The following SH3TC2 variants were observed in gnomAD, a reference collection of about 807,000 sequenced individuals.
The protein encoded by SH3TC2 is SH3 domain and tetratricopeptide repeats 2, also known as SH3 domain and tetratricopeptide repeat-containing protein 2.
Under a neutral mutation model 124.5 loss-of-function variants are expected in SH3TC2, and 87 were observed. The ratio of observed to expected loss-of-function variants is 0.70; its 90% CI spans 0.59 to 0.84. The LOEUF is 0.84. SH3TC2 is among the 40% of genes least tolerant of loss of function. The pLI is 0.00. For synonymous variants in SH3TC2, 634 were observed against 628.5 expected (o/e 1.01, Z -0.13); for missense variants, 1,536 against 1,566.4 (o/e 0.98, Z 0.33).
rs925842607 is a variant in SH3TC2 at position 148,998,860 on chromosome 5, T to C, written c.*5851A>G. Among the ~76,000 whole-genome samples, 2 of 151,176 alleles carry C rather than the reference T, an allele frequency of 1.3e-5. No individual in the cohort carries two copies. The highest frequency in any genetic ancestry group is 6.6e-5 in the Admixed American group (1 of 15,188). ...GAATAATCAGACAGAGTTGGGAGAG[T>C]GAGGGGGTACATATCAGGAAATATA... On this transcript the variant is annotated 3_prime_UTR_variant, in exon 17 of 17. Coordinates refer to ENST00000515425, the MANE Select transcript of SH3TC2 (RefSeq NM_024577.4).
intron 12 of SH3TC2, among the ~76,000 whole-genome samples, chr5:149,020,894 G>A (rs1753957257): frequency 6.6e-6 from 1 of 152,018 alleles, no homozygotes; most frequent in African/African-American, 2.4e-5. Flanking sequence ...ATGGATAGAA[G>A]AACTAGACAT....
chr5:149,031,430 T>A (rs539793602), intron 9 of SH3TC2, 124 bp downstream of exon 9: 4 of 1,276,460 alleles, frequency 3.1e-6, no homozygotes, highest in African/African-American at 1.5e-5. Flanking sequence ...AACAGAATAG[T>A]GGTCATGGCC....
rs368350226 is a variant in SH3TC2, at chr5:148,998,924, G to A, written c.*5787C>T. ...AAGAGGGAAGACCGCCAAGTGAGAG[G>A]CCCAGTAGCAAAGAGCACCCCTAAC... On this transcript the variant is annotated 3_prime_UTR_variant, in exon 17 of 17. Transcript: ENST00000515425. 6.6e-6 allele frequency among the ~76,000 whole-genome samples: 1 copy of A among 152,096 alleles called. No individual in the cohort carries two copies. Among genetic ancestry groups the A allele is most frequent in the South Asian group, 2.1e-4 (1 of 4,784 alleles).
rs1038952809 is a variant in SH3TC2, at chr5:148,998,963, C to T, written c.*5748G>A. On this transcript the variant is annotated 3_prime_UTR_variant, in exon 17 of 17. Coordinates refer to ENST00000515425, the MANE Select transcript of SH3TC2 (RefSeq NM_024577.4). ...AGCACCCCTAACATACACACCCTCC[C>T]GCTTAACGGTGTGGGACCCAGGAAT... Among the ~76,000 whole-genome samples, 17 of 152,128 alleles carry T rather than the reference C, an allele frequency of 1.1e-4. No homozygotes were observed. Among genetic ancestry groups the T allele is most frequent in the African/African-American group, 3.1e-4 (13 of 41,424 alleles).
chr5:149,038,481 C>T lies in SH3TC2; in HGVS notation c.815G>A (p.Arg272His), dbSNP rs746737375. ...CTCATAACCCGTCAAGGCCTTACAG[C>T]GTCCTCTGCCTGTGGAAAATAGCAC... The part of the protein sequence containing the change: ...WTGSYQIGRG[R>H]CKALTGYEPG... Residue 272 changes from arginine (R) to histidine (H), a missense_variant, in exon 8 of 17, where the codon CGC becomes CAC. This residue lies in a region of SH3TC2 where 1,102 missense variants were observed against 1,098.6 expected (regional missense o/e 1.00). Coordinates refer to ENST00000515425, the MANE Select transcript of SH3TC2 (RefSeq NM_024577.4). The T allele has an allele frequency of 3.1e-6, 5 of 1,613,974 alleles. No individual in the cohort carries two copies. Among genetic ancestry groups the T allele is most frequent in the African/African-American group, 1.3e-5 (1 of 75,030 alleles).
rs1754320744 is a variant in SH3TC2 at position 149,038,507 on chromosome 5, A to G, written c.806-17T>C. The stretch of plus-strand genomic sequence containing the variant: ...GTCCTCTGCCTGTGGAAAATAGCAC[A>G]CAGATCAGCTACAGAAGACATGAAC... On this transcript the variant is annotated splice_polypyrimidine_tract_variant and intron_variant, in intron 7 of 16. Coordinates refer to ENST00000515425, the MANE Select transcript of SH3TC2 (RefSeq NM_024577.4). 1.2e-6 allele frequency: 2 copies of G among 1,613,320 alleles called. No individual in the cohort carries two copies. The highest frequency in any genetic ancestry group is 2.2e-5 in the South Asian group (2 of 91,046).
chr5:149,058,597 A>T (rs535290800), intron 1 of SH3TC2, among the ~76,000 whole-genome samples: 11 of 151,230 alleles, frequency 7.3e-5, no homozygotes, highest in Non-Finnish European at 1.2e-4. Flanking sequence ...TGTTCTGGAT[A>T]TTACTCCCCA....
chr5:149,052,135 T>A lies in SH3TC2; in HGVS notation c.151+7A>T. 6.3e-7 allele frequency: 1 copy of A among 1,591,990 alleles called. No individual in the cohort carries two copies. Among genetic ancestry groups the A allele is most frequent in the Non-Finnish European group, 8.6e-7 (1 of 1,159,816 alleles). On this transcript the variant is annotated splice_region_variant and intron_variant, in intron 2 of 16. Coordinates refer to ENST00000515425, the MANE Select transcript of SH3TC2 (RefSeq NM_024577.4). ...AAGAATAGGGCTTGTCTTTGGCATT[T>A]GGATACCTGGATTAATGTTCTGTGG...
intron 1 of SH3TC2, among the ~76,000 whole-genome samples, chr5:149,059,455 C>T (rs1344573307): frequency 6.6e-6 from 1 of 152,090 alleles, no homozygotes; most frequent in African/African-American, 2.4e-5. Context: ...AAAAAGAAGA[C>T]TAAACAGTAA....
Position 148,983,677 on chromosome 5 carries a change from C to T in SH3TC2, c.*21034G>A, listed in dbSNP as rs1373331709. Among the ~76,000 whole-genome samples, 1 of 152,138 alleles carries T rather than the reference C, an allele frequency of 6.6e-6. No individual in the cohort carries two copies. The highest frequency in any genetic ancestry group is 1.5e-5 in the Non-Finnish European group (1 of 68,022). ...CCCCATTAGCCCCTGTCTGTGTTCT[C>T]TAGCCCTGAATTCAGATGTCCCAGA... On this transcript the variant is annotated 3_prime_UTR_variant, in exon 17 of 17. Transcript: ENST00000515425.
intron 2 of SH3TC2, among the ~76,000 whole-genome samples, chr5:149,051,039 T>C (rs1475189122): frequency 3.3e-5 from 5 of 152,140 alleles, no homozygotes; most frequent in Non-Finnish European, 7.4e-5. Context: ...CATGTGAGGA[T>C]CATTTGGCAC....
chr5:149,041,463 G>A lies in SH3TC2; in HGVS notation c.684C>T (p.Gly228=). Residue 228 remains glycine (G), a synonymous_variant, in exon 6 of 17, where the codon GGC becomes GGT. Coordinates refer to ENST00000515425, the MANE Select transcript of SH3TC2 (RefSeq NM_024577.4). ...GCTCCAAGGCTGACACCAGTACCAG[G>A]CCCCGCTGACCTGTCACCAAAGACA... The part of the protein sequence containing the change: ...EGVSLVTGQR[G]LVLVSALEPL... 1 of 1,613,790 alleles carries A rather than the reference G, an allele frequency of 6.2e-7. No homozygotes were observed. The highest frequency in any genetic ancestry group is 8.5e-7 in the Non-Finnish European group (1 of 1,180,026).
At chr5:149,010,224 G>T (rs377101249) in intron 14 of SH3TC2, 46 bp downstream of exon 14, 1 of 1,613,556 alleles carries the variant, frequency 6.2e-7, no homozygotes, top group African/African-American at 1.3e-5. Context: ...CCCTTCCCAT[G>T]CCCGTGCCAG....
chr5:149,005,424 G>A (rs899974621), intron 16 of SH3TC2, among the ~76,000 whole-genome samples: 3 of 152,230 alleles, frequency 2.0e-5, no homozygotes, highest in African/African-American at 7.2e-5. Context: ...AGGATCCAGA[G>A]CTATCTGCAG....
chr5:149,032,137 A>G (rs559763374), intron 8 of SH3TC2, among the ~76,000 whole-genome samples: 1 of 152,354 alleles, frequency 6.6e-6, no homozygotes, highest in South Asian at 2.1e-4. Context: ...GGGACAAGTG[A>G]CACAATCTAG....
At chr5:149,031,799 C>T in intron 8 of SH3TC2, 112 bp from the exon 9 acceptor site, 2 of 1,414,572 alleles carry the variant, frequency 1.4e-6, no homozygotes, top group South Asian at 1.2e-5. Flanking sequence ...ATCAAACCAA[C>T]TTCCCGCAAA....
intron 9 of SH3TC2, among the ~76,000 whole-genome samples, chr5:149,030,149 G>A (rs1754158789): frequency 6.6e-6 from 1 of 152,140 alleles, no homozygotes; most frequent in African/African-American, 2.4e-5. Context: ...CGCCCCTCTT[G>A]GGCCACCTCT....
rs1374239245 is a variant in SH3TC2, at chr5:149,026,787, T to C, written c.2873-35A>G. 7 of 1,614,164 alleles carry C rather than the reference T, an allele frequency of 4.3e-6. No homozygotes were observed. In the South Asian group the frequency reaches 7.7e-5, roughly 18 times the overall value. On this transcript the variant is annotated intron_variant, in intron 11 of 16. Coordinates refer to ENST00000515425, the MANE Select transcript of SH3TC2 (RefSeq NM_024577.4). ...AAGCAGGGACATGAATGAGATGACTTGAGATAGGAAATGGATAAAACTTGA... is the reference window on the plus strand; with the variant it reads ...AAGCAGGGACATGAATGAGATGACTCGAGATAGGAAATGGATAAAACTTGA...
chr5:149,008,677 G>A (rs775025155), intron 15 of SH3TC2, 174 bp downstream of exon 15: 17 of 827,440 alleles, frequency 2.1e-5, no homozygotes, highest in Non-Finnish European at 3.0e-5. Flanking sequence ...GTGATGACAA[G>A]CTTGAGGCTT....
Sources: gnomAD v4.1 joint callset for allele counts (sites outside exome capture counted in the v4.1 genomes callset) on GRCh38, gnomAD v4.1.1 for gene constraint, gnomAD v4.1.1 regional missense constraint, MANE v1.5 for transcripts, NCBI Gene and HGNC (gene_info 2026-07-23, HGNC 2026-07-21) for gene names.